Variants in EDDM13 observed in about 807,000 individuals in gnomAD.
EDDM13 encodes the protein epididymal protein 13.
Under a neutral mutation model 17.8 loss-of-function variants are expected in EDDM13, and 24 were observed. That is an observed-to-expected ratio of 1.35 (90% confidence interval 0.98 to 1.90). The LOEUF is 1.90. Among genes scored for constraint, EDDM13 ranks in the 40% most tolerant of loss-of-function variants. The probability of loss-of-function intolerance (pLI) is 0.00; values close to 1 mark genes in which losing one functional copy is unlikely to be tolerated. For synonymous variants in EDDM13, 31 were observed against 37.5 expected, an observed-to-expected ratio of 0.83 and a Z score of 0.63; for missense variants, 97 against 100.8, an observed-to-expected ratio of 0.96 and a Z score of 0.16.
chr19:56,280,877 C>G (rs964011586), intron 2 of EDDM13, among the ~76,000 whole-genome samples: 4 of 152,198 alleles, frequency 2.6e-5, no homozygotes, highest in Non-Finnish European at 5.9e-5. Flanking sequence ...CCAACACATG[C>G]TGTTTGGGGT....
At chr19:56,298,122 T>C (rs1168565970) in intron 12 of EDDM13, 4 of 149,412 alleles carry the variant, frequency 2.7e-5, no homozygotes, top group African/African-American at 9.8e-5. Flanking sequence ...TTGAAAAGCG[T>C]AATACAAATT....
At chr19:56,300,799 G>A (rs1355004981) in intron 12 of EDDM13, among the ~76,000 whole-genome samples, 2 of 150,576 alleles carry the variant, frequency 1.3e-5, no homozygotes, top group Admixed American at 6.6e-5. Context: ...ACAGGTTTAC[G>A]TGTAAAAAAA....
intron 2 of EDDM13, among the ~76,000 whole-genome samples, chr19:56,276,602 T>C (rs560776055): frequency 1.3e-5 from 2 of 151,658 alleles, no homozygotes; most frequent in East Asian, 1.9e-4. Flanking sequence ...AGTGGTGCGA[T>C]CTGGGTTCAC....
At chr19:56,293,991 C>T (rs111472874) in intron 9 of EDDM13, among the ~76,000 whole-genome samples, 4,354 of 152,328 alleles carry the variant, frequency 0.029, 69 homozygotes, top group Middle Eastern at 0.071. Flanking sequence ...CTGAACACTC[C>T]CATGTCTGCA....
intron 1 of EDDM13, among the ~76,000 whole-genome samples, chr19:56,275,676 T>C (rs1159019661): frequency 6.6e-6 from 1 of 152,248 alleles, no homozygotes; most frequent in Non-Finnish European, 1.5e-5. Flanking sequence ...TTGAAGCACC[T>C]GTAAGATGTT....
chr19:56,280,548 C>G (rs1306717367), intron 2 of EDDM13: 2 of 151,970 alleles, frequency 1.3e-5, no homozygotes, highest in Non-Finnish European at 2.9e-5. Flanking sequence ...CTAGATATAA[C>G]CACTGTCGTA....
chr19:56,307,714 C>T (rs1281182789), intron 14 of EDDM13, among the ~76,000 whole-genome samples: 2 of 152,114 alleles, frequency 1.3e-5, no homozygotes, highest in South Asian at 2.1e-4. Flanking sequence ...CAATTTTTTC[C>T]CCAAGGTCTG....
chr19:56,275,698 T>C (rs375972031), intron 1 of EDDM13, among the ~76,000 whole-genome samples: 4 of 152,370 alleles, frequency 2.6e-5, no homozygotes, highest in East Asian at 3.9e-4. Flanking sequence ...GGGACATCCA[T>C]AGATAGCAAG....
intron 13 of EDDM13, among the ~76,000 whole-genome samples, chr19:56,303,910 A>G (rs2040507866): frequency 6.6e-6 from 1 of 152,134 alleles, no homozygotes; most frequent in Non-Finnish European, 1.5e-5. Flanking sequence ...TGCACAGCAG[A>G]CCCTGAGGCA....
At chr19:56,279,092 CAG>C (rs1415004882) in intron 2 of EDDM13, among the ~76,000 whole-genome samples, 2 of 152,198 alleles carry the variant, frequency 1.3e-5, no homozygotes, top group Non-Finnish European at 2.9e-5. Flanking sequence ...CGGATGGACT[CAG>C]TGCCTACTGA....
chr19:56,276,130 A>T (rs913619919), intron 2 of EDDM13, among the ~76,000 whole-genome samples, 21 bp downstream of exon 2: 2 of 152,150 alleles, frequency 1.3e-5, no homozygotes, highest in African/African-American at 4.8e-5. Context: ...TGGAACCCCC[A>T]AGTCTGTATT....
chr19:56,273,577 G>T (rs1428417422), intron 1 of EDDM13, among the ~76,000 whole-genome samples: 2 of 152,168 alleles, frequency 1.3e-5, no homozygotes, highest in Non-Finnish European at 2.9e-5. Flanking sequence ...ATAGGAGCTG[G>T]CCAGCTGAAG....
chr19:56,303,677 G>A (rs777686832), intron 13 of EDDM13, among the ~76,000 whole-genome samples: 1 of 152,120 alleles, frequency 6.6e-6, no homozygotes, highest in Non-Finnish European at 1.5e-5. Context: ...TAAGGTCCTT[G>A]AGTCCCCAGG....
At position 56,281,703 on chromosome 19, in the gene EDDM13, G is replaced by C. The variant is rs992490844; in HGVS notation, c.109+5G>C. 6 of 985,200 alleles carry C rather than the reference G, an allele frequency of 6.1e-6. No homozygotes were observed. In the African/African-American group the frequency reaches 1.0e-4, roughly 17 times the overall value. The allele number at this position is 985,200 out of a possible 1,614,324, so 61.0% of individuals were successfully genotyped here. On this transcript the variant is annotated splice_donor_5th_base_variant and intron_variant, in intron 3 of 14. Transcript: ENST00000649256. ...TGCTGCCCCTTCCAGTCAACTGTAA[G>C]TCATATCTCCTTCTCCCTACATAAA...
At chr19:56,293,693 T>C (rs929179028) in intron 9 of EDDM13, among the ~76,000 whole-genome samples, 2 of 152,152 alleles carry the variant, frequency 1.3e-5, no homozygotes, top group African/African-American at 2.4e-5. Flanking sequence ...TGATTCCCAA[T>C]TGGGGAGATT....
chr19:56,284,052 C>A, intron 4 of EDDM13, 146 bp from the exon 5 acceptor site: 1 of 351,670 alleles, frequency 2.8e-6, no homozygotes, highest in Non-Finnish European at 4.0e-6. Flanking sequence ...ATTCTACTTC[C>A]CAATCTGTTC....
intron 9 of EDDM13, among the ~76,000 whole-genome samples, chr19:56,294,212 C>T (rs2039708026): frequency 1.3e-5 from 2 of 152,212 alleles, no homozygotes; most frequent in Non-Finnish European, 2.9e-5. Context: ...ATCCCAAACA[C>T]CTGCCTAAGG....
At chr19:56,308,292 A>T (rs2040828707) in intron 14 of EDDM13, among the ~76,000 whole-genome samples, 1 of 150,906 alleles carries the variant, frequency 6.6e-6, no homozygotes, top group Non-Finnish European at 1.5e-5. Flanking sequence ...TCGGCCTCCC[A>T]AAGTGCTGGG....
intron 2 of EDDM13, among the ~76,000 whole-genome samples, chr19:56,277,815 A>C (rs758760): frequency 0.42 from 63,996 of 152,022 alleles, 14,626 homozygotes; most frequent in Non-Finnish European, 0.51. Flanking sequence ...GTACATTACA[A>C]AGATGCTGGT....
Sources: gnomAD v4.1 joint callset for allele counts (sites outside exome capture counted in the v4.1 genomes callset) on GRCh38, gnomAD v4.1.1 for gene constraint, MANE v1.5 for transcripts, NCBI Gene and HGNC (gene_info 2026-07-23, HGNC 2026-07-21) for gene names.